MCUB: variants seen among roughly 807,000 people sequenced by gnomAD.
MCUB encodes the protein mitochondrial calcium uniporter dominant negative subunit beta.
Under a neutral mutation model 41.4 loss-of-function variants are expected in MCUB, and 46 were observed. That is an observed-to-expected ratio of 1.11 (90% confidence interval 0.88 to 1.42). The LOEUF is 1.42. Among genes scored for constraint, MCUB ranks in the 40% most tolerant of loss-of-function variants. MCUB has a pLI of 0.00. For missense variants in MCUB, 403 were observed against 404.9 expected, an observed-to-expected ratio of 1.00 and a Z score of 0.04; for synonymous variants, 148 against 148.2, an observed-to-expected ratio of 1.00 and a Z score of 0.01.
chr4:109,597,678 C>CG (rs1351870753), intron 1 of MCUB, among the ~76,000 whole-genome samples: 1 of 121,890 alleles, frequency 8.2e-6, no homozygotes, highest in South Asian at 2.7e-4. Context: ...GCTGGCCGGG[C>CG]GGGGGGCTGA....
chr4:109,686,657 C>T (rs1366529691), intron 7 of MCUB, among the ~76,000 whole-genome samples: 3 of 152,068 alleles, frequency 2.0e-5, no homozygotes, highest in East Asian at 1.9e-4. Flanking sequence ...GGGAGGATCT[C>T]GAGTCCAGAA....
chr4:109,621,278 A>G (rs1417711076), intron 1 of MCUB, among the ~76,000 whole-genome samples: 1 of 152,148 alleles, frequency 6.6e-6, no homozygotes, highest in Admixed American at 6.5e-5. Flanking sequence ...ATGGCTACTA[A>G]TAGACTGAAT....
chr4:109,600,654 A>G (rs1354272249), intron 1 of MCUB, among the ~76,000 whole-genome samples: 1 of 152,166 alleles, frequency 6.6e-6, no homozygotes, highest in African/African-American at 2.4e-5. Flanking sequence ...TGGTAGGAAT[A>G]GGCCTGACAG....
chr4:109,576,443 TA>T (rs1015938967), intron 1 of MCUB, among the ~76,000 whole-genome samples: 2 of 144,330 alleles, frequency 1.4e-5, no homozygotes, highest in Non-Finnish European at 3.0e-5. Flanking sequence ...AAAATGCAAA[TA>T]AACATGAAAA....
In MCUB at chr4:109,684,488, C is replaced by T; in HGVS notation, c.658C>T (p.Leu220Phe). 1.9e-6 allele frequency: 3 copies of T among 1,613,748 alleles called. No individual in the cohort carries two copies. The highest frequency in any genetic ancestry group is 2.5e-6 in the Non-Finnish European group (3 of 1,179,934). ...TCATTCGGAAGCCAAAACCAGTGGA[C>T]TCCTGTGGGCTGGATTGGCACTGCT... is the stretch of plus-strand genomic sequence containing the variant. ...EAHSEAKTSG[L>F]LWAGLALLSI... Residue 220 changes from leucine (L) to phenylalanine (F), a missense_variant, in exon 6 of 8, where the codon CTC (leucine) becomes TTC (phenylalanine). Coordinates refer to ENST00000394650, the MANE Select transcript of MCUB (RefSeq NM_017918.5).
intron 1 of MCUB, among the ~76,000 whole-genome samples, chr4:109,618,225 G>T (rs543564788): frequency 5.3e-5 from 8 of 152,122 alleles, no homozygotes; most frequent in Non-Finnish European, 8.8e-5. Flanking sequence ...CTTCTTCCCC[G>T]CTCTATCTCC....
chr4:109,679,953 C>G (rs962674697), intron 4 of MCUB, among the ~76,000 whole-genome samples: 4 of 152,112 alleles, frequency 2.6e-5, no homozygotes, highest in Non-Finnish European at 5.9e-5. Flanking sequence ...AGGTGTGTAC[C>G]ACCATGCCCA....
At chr4:109,588,909 T>C (rs1225715581) in intron 1 of MCUB, among the ~76,000 whole-genome samples, 1 of 152,104 alleles carries the variant, frequency 6.6e-6, no homozygotes, top group Non-Finnish European at 1.5e-5. Flanking sequence ...GTAATAGAAT[T>C]TTTCATACAA....
chr4:109,593,959 G>A (rs1392311719), intron 1 of MCUB, among the ~76,000 whole-genome samples: 1 of 152,188 alleles, frequency 6.6e-6, no homozygotes, highest in Non-Finnish European at 1.5e-5. Context: ...ATATAGTCCA[G>A]TCAGTCCAAG....
chr4:109,612,336 G>A (rs562071941), intron 1 of MCUB, among the ~76,000 whole-genome samples: 8 of 139,788 alleles, frequency 5.7e-5, no homozygotes, highest in East Asian at 2.1e-4. Context: ...GTGTGATCCC[G>A]GCTCGCTGCA....
At chr4:109,620,731 A>G (rs1728233676) in intron 1 of MCUB, among the ~76,000 whole-genome samples, 1 of 152,054 alleles carries the variant, frequency 6.6e-6, no homozygotes, top group African/African-American at 2.4e-5. Context: ...CATTAATAAC[A>G]TATTGTCTTT....
chr4:109,633,581 T>C (rs922399676), intron 1 of MCUB, among the ~76,000 whole-genome samples: 3 of 152,204 alleles, frequency 2.0e-5, no homozygotes, highest in Admixed American at 6.5e-5. Flanking sequence ...TAATTAATTT[T>C]TAAATGAAAC....
intron 1 of MCUB, among the ~76,000 whole-genome samples, chr4:109,616,430 A>G (rs532705925): frequency 3.5e-4 from 54 of 152,310 alleles, no homozygotes; most frequent in African/African-American, 1.3e-3. Flanking sequence ...ATAGGGCTGT[A>G]TTGTCCATGT....
intron 1 of MCUB, among the ~76,000 whole-genome samples, chr4:109,581,662 C>A (rs539749481): frequency 6.6e-6 from 1 of 152,140 alleles, no homozygotes; most frequent in Non-Finnish European, 1.5e-5. Flanking sequence ...CCAGAATCTA[C>A]AATGAACTCA....
chr4:109,614,961 A>T (rs1377595828), intron 1 of MCUB, among the ~76,000 whole-genome samples: 3 of 152,140 alleles, frequency 2.0e-5, no homozygotes, highest in African/African-American at 7.2e-5. Context: ...CTACAAATCA[A>T]CCAGTTTATA....
At chr4:109,685,468 C>T (rs1729819287) in intron 7 of MCUB, 101 bp downstream of exon 7, 1 of 579,366 alleles carries the variant, frequency 1.7e-6, no homozygotes, top group Admixed American at 2.7e-5. Context: ...AAATCTTGGT[C>T]CTAGATTTCT....
intron 1 of MCUB, among the ~76,000 whole-genome samples, chr4:109,650,692 G>A (rs1728942481): frequency 6.6e-6 from 1 of 152,156 alleles, no homozygotes; most frequent in African/African-American, 2.4e-5. Context: ...ATTAATGTTA[G>A]TACATAACCA....
At chr4:109,624,774 G>A (rs1728326178) in intron 1 of MCUB, among the ~76,000 whole-genome samples, 1 of 152,198 alleles carries the variant, frequency 6.6e-6, no homozygotes, top group African/African-American at 2.4e-5. Context: ...CACAGGAGCT[G>A]ACACACAGTA....
intron 2 of MCUB, 89 bp from the exon 3 acceptor site, chr4:109,660,106 A>G: frequency 1.5e-6 from 1 of 683,160 alleles, no homozygotes; most frequent in Non-Finnish European, 2.5e-6. Flanking sequence ...TGTGAATTTC[A>G]TGTTTGAGCA....
Sources: gnomAD v4.1 joint callset for allele counts (sites outside exome capture counted in the v4.1 genomes callset) on GRCh38, gnomAD v4.1.1 for gene constraint, MANE v1.5 for transcripts, NCBI Gene and HGNC (gene_info 2026-07-23, HGNC 2026-07-21) for gene names.